Variants in HPGDS observed in about 807,000 individuals in gnomAD.
The protein encoded by HPGDS is hematopoietic prostaglandin D synthase.
A neutral mutation model predicts 23.1 loss-of-function variants in HPGDS; 26 were observed. The observed-to-expected ratio is 1.13, with a 90% CI of 0.83 to 1.56. The LOEUF is 1.56. HPGDS is among the 40% of genes most tolerant of loss of function. The probability of loss-of-function intolerance (pLI) is 0.00; values close to 1 mark genes in which losing one functional copy is unlikely to be tolerated. For missense variants in HPGDS, 268 were observed against 236.4 expected, an observed-to-expected ratio of 1.13 and a Z score of -0.88; for synonymous variants, 95 against 77.9, an observed-to-expected ratio of 1.22 and a Z score of -1.16.
chr4:94,318,343 A>G (rs750431531), intron 2 of HPGDS, among the ~76,000 whole-genome samples: 1 of 152,218 alleles, frequency 6.6e-6, no homozygotes, highest in African/African-American at 2.4e-5. Context: ...TTTGATTTAC[A>G]TATTGAGTTA....
Position 94,335,638 on chromosome 4 carries a change from G to A in HPGDS, c.-9-1000C>T, listed in dbSNP as rs538190970. Among the ~76,000 whole-genome samples the A allele has an allele frequency of 1.1e-4, 17 of 152,228 alleles. No individual in the cohort carries two copies. The South Asian group carries it at 2.9e-3, about 26-fold the overall frequency. ...TAATGAGGTAATACATATAAGGTAC[G>A]TAGCACAATGGCAAACTTAATCATT... On this transcript the variant is annotated intron_variant, in intron 1 of 5. Coordinates refer to ENST00000295256, the MANE Select transcript of HPGDS (RefSeq NM_014485.3).
chr4:94,326,422 T>C (rs1285563457), intron 2 of HPGDS, among the ~76,000 whole-genome samples: 1 of 152,204 alleles, frequency 6.6e-6, no homozygotes, highest in Non-Finnish European at 1.5e-5. Context: ...TTTATTTTTT[T>C]CTTTGGTCTG....
Position 94,308,640 on chromosome 4 carries a change from A to C in HPGDS, c.330T>G (p.Asp110Glu). ...SCFPWAEKKQ[D>E]VKEQMFNELL... ...AGCAAATGGATCACATTACTTTCAC[A>C]TCTTGCTTTTTCTCTGCCCAAGGAA... The change falls in exon 4 of 6, where the codon GAT becomes GAG. Residue 110 changes from aspartate to glutamate, a missense_variant. Physicochemically the swap from Asp to Glu is conservative, Grantham distance 45. Transcript: ENST00000295256. 1 of 1,561,022 alleles carries C rather than the reference A, an allele frequency of 6.4e-7. No homozygotes were observed. Among genetic ancestry groups the C allele is most frequent in the African/African-American group, 1.4e-5 (1 of 73,802 alleles).
At chr4:94,332,151 C>T (rs1292566352) in intron 2 of HPGDS, among the ~76,000 whole-genome samples, 1 of 152,098 alleles carries the variant, frequency 6.6e-6, no homozygotes, top group Non-Finnish European at 1.5e-5. Flanking sequence ...GATGGCTGGA[C>T]TTCGGAGGAG....
Position 94,299,612 on chromosome 4 carries a change from G to A in HPGDS, c.468C>T (p.Cys156=). 6.2e-7 allele frequency: 1 copy of A among 1,613,978 alleles called. No homozygotes were observed. The highest frequency in any genetic ancestry group is 8.5e-7 in the Non-Finnish European group (1 of 1,179,920). The change falls in exon 6 of 6, where the codon TGC becomes TGT. Residue 156 remains cysteine, a synonymous_variant. Transcript: ENST00000295256. ...VTWADFYWEI[C]STTLLVFKPD... ...GCTTAAAGACCAAAAGTGTGGTACTGCAAATCTCCCAGTAGAAGTCTGCCC... is the reference window on the plus strand; with the variant it reads ...GCTTAAAGACCAAAAGTGTGGTACTACAAATCTCCCAGTAGAAGTCTGCCC...
chr4:94,324,359 G>T (rs1461326534), intron 2 of HPGDS, among the ~76,000 whole-genome samples: 2 of 152,130 alleles, frequency 1.3e-5, no homozygotes, highest in Non-Finnish European at 2.9e-5. Context: ...GTGTTTTCCA[G>T]CTTGGTTCCA....
At position 94,308,787 on chromosome 4, in the gene HPGDS, A is replaced by G. The variant is rs781625479; in HGVS notation, c.227-44T>C. The G allele has an allele frequency of 8.4e-6, 9 of 1,075,890 alleles. No homozygotes were observed. The Admixed American group carries it at 1.3e-4, about 16-fold the overall frequency. The allele number at this position is 1,075,890 out of a possible 1,614,324, so 66.6% of individuals were successfully genotyped here. On this transcript the variant is annotated intron_variant, in intron 3 of 5. Coordinates refer to ENST00000295256, the MANE Select transcript of HPGDS (RefSeq NM_014485.3). Reference sequence around the variant, plus strand: ...CCCATCAATATGTTTAATTTACTATATTAAAAAGTTTGTTTTTAACAGATA... The same window carrying G: ...CCCATCAATATGTTTAATTTACTATGTTAAAAAGTTTGTTTTTAACAGATA...
At chr4:94,331,142 A>G (rs1183198447) in intron 2 of HPGDS, among the ~76,000 whole-genome samples, 1 of 152,196 alleles carries the variant, frequency 6.6e-6, no homozygotes, top group East Asian at 1.9e-4. Context: ...AGCTCTTCTT[A>G]TAGGTGCATA....
chr4:94,314,099 T>C (rs1756340595), intron 3 of HPGDS, among the ~76,000 whole-genome samples: 1 of 152,226 alleles, frequency 6.6e-6, no homozygotes, highest in Non-Finnish European at 1.5e-5. Context: ...CTCCTTTAGC[T>C]CGGAGAAGTT....
intron 3 of HPGDS, among the ~76,000 whole-genome samples, chr4:94,309,934 A>T (rs1354716920): frequency 2.0e-5 from 3 of 152,146 alleles, no homozygotes; most frequent in Non-Finnish European, 4.4e-5. Context: ...TCTTCTTTTG[A>T]GAAGTGTCTG....
At chr4:94,319,960 G>T (rs1258273597) in intron 2 of HPGDS, among the ~76,000 whole-genome samples, 1 of 152,026 alleles carries the variant, frequency 6.6e-6, no homozygotes, top group Non-Finnish European at 1.5e-5. Flanking sequence ...CCCATCCTGT[G>T]TCCAAGTGTT....
Position 94,317,872 on chromosome 4 carries a change from C to G in HPGDS, c.226+1G>C. The G allele has an allele frequency of 1.9e-6, 3 of 1,566,646 alleles. No homozygotes were observed. The highest frequency in any genetic ancestry group is 2.6e-6 in the Non-Finnish European group (3 of 1,138,294). On this transcript the variant is annotated splice_donor_variant, in intron 3 of 5. Transcript: ENST00000295256. LOFTEE classifies it high-confidence loss of function. The stretch of plus-strand genomic sequence containing the variant: ...AATCTTAAGCACAATAAACATGTTA[C>G]CTGTGTTTTTGGTCAAATATCTTGC...
chr4:94,333,379 CCCCT>C (rs1756766039), intron 2 of HPGDS, among the ~76,000 whole-genome samples: 1 of 152,154 alleles, frequency 6.6e-6, no homozygotes, highest in Non-Finnish European at 1.5e-5. Flanking sequence ...AGGGGTGTGT[CCCCT>C]CCCTCTTTCA....
intron 2 of HPGDS, among the ~76,000 whole-genome samples, chr4:94,331,898 C>A (rs1231584643): frequency 1.3e-5 from 2 of 152,116 alleles, no homozygotes; most frequent in African/African-American, 4.8e-5. Context: ...CCAGTGAAAC[C>A]CCACCTTCAA....
chr4:94,340,825 ATTTTTTTCTTTT>A (rs1244135049), intron 1 of HPGDS, among the ~76,000 whole-genome samples: 2 of 131,184 alleles, frequency 1.5e-5, no homozygotes, highest in African/African-American at 3.0e-5. Context: ...CGCCCGGCAA[ATTTTTTTCTTTT>A]TTTTTTTCTT....
intron 1 of HPGDS, among the ~76,000 whole-genome samples, chr4:94,338,351 G>C (rs1269544639): frequency 6.6e-6 from 1 of 151,348 alleles, no homozygotes; most frequent in Non-Finnish European, 1.5e-5. Context: ...CTTGAACCTG[G>C]GAGGCAGAGG....
intron 2 of HPGDS, among the ~76,000 whole-genome samples, chr4:94,324,571 G>A (rs373639101): frequency 2.6e-5 from 4 of 152,074 alleles, no homozygotes; most frequent in South Asian, 2.1e-4. Flanking sequence ...GCTTGTGCAC[G>A]CATCATGATG....
chr4:94,339,542 GA>G (rs1721091912), intron 1 of HPGDS, among the ~76,000 whole-genome samples: 1 of 152,078 alleles, frequency 6.6e-6, no homozygotes, highest in Admixed American at 6.6e-5. Context: ...TAAAAACTTA[GA>G]CATATAAACT....
rs11946030 is a variant in HPGDS, at chr4:94,317,222, G to C, written c.226+651C>G. 4.7e-3 allele frequency among the ~76,000 whole-genome samples: 708 copies of C among 152,190 alleles called. 3 individuals are homozygous for C. Among genetic ancestry groups the C allele is most frequent in the African/African-American group, 0.015 (621 of 41,520 alleles). On this transcript the variant is annotated intron_variant, in intron 3 of 5. Coordinates refer to ENST00000295256, the MANE Select transcript of HPGDS (RefSeq NM_014485.3). ...AAACGAGCTTTAAAAGAAGCCAAAA[G>C]TAGCTTTTGGCTCAAAAAGGGTGTG...
Sources: allele counts gnomAD v4.1 joint callset (sites outside exome capture counted in the v4.1 genomes callset), GRCh38; gene constraint gnomAD v4.1.1; transcripts MANE v1.5; gene names NCBI Gene and HGNC (gene_info 2026-07-23, HGNC 2026-07-21).